URB2: variants seen among roughly 807,000 people sequenced by gnomAD.
The protein encoded by URB2 is unhealthy ribosome biogenesis protein 2 homolog.
URB2 carries 86 observed loss-of-function variants against 120.9 expected under a neutral mutation model. The ratio of observed to expected loss-of-function variants is 0.71; its 90% CI spans 0.60 to 0.85. The LOEUF is 0.85. Among genes scored for constraint, URB2 ranks in the 40% least tolerant of loss-of-function variants. URB2 has a pLI of 0.00. For missense variants in URB2, 1,765 were observed against 1,836.5 expected, an observed-to-expected ratio of 0.96 and a Z score of 0.71; for synonymous variants, 755 against 758.4, an observed-to-expected ratio of 1.00 and a Z score of 0.07.
In URB2 at chr1:229,643,559, C is replaced by G; in HGVS notation, c.3661C>G (p.Gln1221Glu). The change falls in exon 5 of 10, where the codon CAG becomes GAG. Residue 1221 changes from glutamine (Q) to glutamate (E), a missense_variant. Coordinates refer to ENST00000258243, the MANE Select transcript of URB2 (RefSeq NM_014777.4). ...ADPEIPVQVT[Q>E]DIEPHLGALF... ...TCCTGAAATTCCTGTTCAGGTCACT[C>G]AGGATATTGAGCCTCATTTGGGAGC... 2.5e-6 allele frequency: 4 copies of G among 1,614,144 alleles called. No homozygotes were observed. The highest frequency in any genetic ancestry group is 3.4e-6 in the Non-Finnish European group (4 of 1,180,030).
chr1:229,637,898 A>C lies in URB2; in HGVS notation c.3285A>C (p.Thr1095=). 1 of 1,604,148 alleles carries C rather than the reference A, an allele frequency of 6.2e-7. No homozygotes were observed. Among genetic ancestry groups the C allele is most frequent in the Non-Finnish European group, 8.5e-7 (1 of 1,175,918 alleles). The change falls in exon 4 of 10, where the codon ACA becomes ACC. Residue 1095 remains threonine, a synonymous_variant. Transcript: ENST00000258243. ...TGCTGCAGCAGGTTGTGCTGCAGAC[A>C]GGAGCTGTGCTGCAGCTCTGCTCAG... ...SELLQQVVLQ[T]GAVLQLCSVP...
At chr1:229,633,476 A>G (rs888626065) in intron 3 of URB2, among the ~76,000 whole-genome samples, 1 of 152,246 alleles carries the variant, frequency 6.6e-6, no homozygotes, top group Non-Finnish European at 1.5e-5. Context: ...TTGAATATAA[A>G]TGCAGGAAAA....
intron 9 of URB2, among the ~76,000 whole-genome samples, chr1:229,656,059 A>T (rs1666400556): frequency 6.6e-6 from 1 of 152,210 alleles, no homozygotes; most frequent in Non-Finnish European, 1.5e-5. Context: ...TGGAGCCCAC[A>T]CCTGGTAAGT....
chr1:229,644,309 A>G (rs573240525), intron 5 of URB2, among the ~76,000 whole-genome samples: 1 of 152,364 alleles, frequency 6.6e-6, no homozygotes, highest in African/African-American at 2.4e-5. Context: ...TCTCTGGTCT[A>G]GGCATATTCT....
chr1:229,632,210 C>CGA (rs1665685153), intron 2 of URB2, 59 bp from the exon 3 acceptor site: 1 of 1,438,520 alleles, frequency 7.0e-7, no homozygotes, highest in Admixed American at 2.8e-5. Context: ...CCTATAATGT[C>CGA]TAACATCTTT....
At chr1:229,638,373 C>T (rs866555044) in intron 4 of URB2, 126 bp downstream of exon 4, 33 of 1,116,074 alleles carry the variant, frequency 3.0e-5, no homozygotes, top group Middle Eastern at 4.2e-4. Flanking sequence ...CGGCTGGGTG[C>T]GGTGGCTTAC....
rs1270259976 is a variant in URB2 at position 229,636,495 on chromosome 1, C to T, written c.1882C>T (p.His628Tyr). The change falls in exon 4 of 10, where the codon CAC (histidine) becomes TAC (tyrosine). Residue 628 changes from histidine to tyrosine, a missense_variant. His to Tyr is a moderately conservative substitution (Grantham distance 83). Transcript: ENST00000258243. ...AMFSLNCSQY[H>Y]SMSGPLIGVA... ...GTTCAGTTTGAACTGTAGCCAGTATCACTCTATGTCTGGGCCCCTTATAGG... is the reference window on the plus strand; with the variant it reads ...GTTCAGTTTGAACTGTAGCCAGTATTACTCTATGTCTGGGCCCCTTATAGG... 1.2e-5 allele frequency: 19 copies of T among 1,614,110 alleles called. No homozygotes were observed. The highest frequency in any genetic ancestry group is 1.5e-5 in the Non-Finnish European group (18 of 1,180,040).
At chr1:229,648,831 G>A (rs1421789782) in intron 7 of URB2, among the ~76,000 whole-genome samples, 1 of 152,216 alleles carries the variant, frequency 6.6e-6, no homozygotes, top group Non-Finnish European at 1.5e-5. Flanking sequence ...CTTGTTCTGA[G>A]AAATGTGTCG....
At chr1:229,646,226 A>G (rs1343717330) in intron 6 of URB2, among the ~76,000 whole-genome samples, 3 of 152,212 alleles carry the variant, frequency 2.0e-5, no homozygotes, top group Non-Finnish European at 4.4e-5. Context: ...GACAGGCAGT[A>G]AGAAGAGGGA....
At chr1:229,632,811 GTTTTT>G (rs5781547) in intron 3 of URB2, among the ~76,000 whole-genome samples, 1 of 101,846 alleles carries the variant, frequency 9.8e-6, no homozygotes. Context: ...TTCCTCAAAG[GTTTTT>G]TTTTTTTTTT....
In URB2 at chr1:229,637,913, G is replaced by A. The variant is rs768252570; in HGVS notation, c.3300G>A (p.Gln1100=). 1 of 1,610,808 alleles carries A rather than the reference G, an allele frequency of 6.2e-7. No individual in the cohort carries two copies. ...TGCTGCAGACAGGAGCTGTGCTGCA[G>A]CTCTGCTCAGTGCCGGGGGCCCGGG... ...QVVLQTGAVL[Q]LCSVPGARGW... Residue 1100 remains glutamine, a synonymous_variant, in exon 4 of 10, where the codon CAG becomes CAA. Transcript: ENST00000258243.
chr1:229,631,161 C>T (rs1233037825), intron 2 of URB2, among the ~76,000 whole-genome samples: 1 of 152,130 alleles, frequency 6.6e-6, no homozygotes, highest in Non-Finnish European at 1.5e-5. Flanking sequence ...TTTCCCTAAA[C>T]TTCATGAACC....
chr1:229,629,562 A>T lies in URB2; in HGVS notation c.126+1803A>T, dbSNP rs114605212. ...TTAAGAATGCAATAGCATTATGCCT[A>T]AAAAAAGTACATATCTTAATTTTAA... On this transcript the variant is annotated intron_variant, in intron 2 of 9. Transcript: ENST00000258243. 5.5e-3 allele frequency among the ~76,000 whole-genome samples: 831 copies of T among 152,292 alleles called. 10 individuals carry two copies. The highest frequency in any genetic ancestry group is 0.019 in the African/African-American group (803 of 41,560).
At chr1:229,656,874 A>G (rs1300053712) in intron 9 of URB2, among the ~76,000 whole-genome samples, 1 of 152,240 alleles carries the variant, frequency 6.6e-6, no homozygotes, top group Non-Finnish European at 1.5e-5. Context: ...CCCTCTACAG[A>G]TGCTCCTGGA....
At chr1:229,633,154 T>A (rs763742571) in intron 3 of URB2, among the ~76,000 whole-genome samples, 2 of 152,158 alleles carry the variant, frequency 1.3e-5, no homozygotes, top group Non-Finnish European at 2.9e-5. Context: ...CTCACCCTCA[T>A]GAGTGTGCGG....
At chr1:229,640,315 A>G (rs1665973034) in intron 4 of URB2, among the ~76,000 whole-genome samples, 1 of 152,346 alleles carries the variant, frequency 6.6e-6, no homozygotes, top group Non-Finnish European at 1.5e-5. Context: ...ACAGTGAAGG[A>G]TGATTAAGAT....
chr1:229,629,965 T>G (rs1247712030), intron 2 of URB2, among the ~76,000 whole-genome samples: 2 of 152,228 alleles, frequency 1.3e-5, no homozygotes, highest in Admixed American at 6.5e-5. Context: ...AAGAAACAAC[T>G]TATCCATTCA....
rs771497983 is a variant in URB2 at position 229,654,216 on chromosome 1, C to T, written c.4238-33C>T. 8 of 1,607,086 alleles carry T rather than the reference C, an allele frequency of 5.0e-6. No homozygotes were observed. In the African/African-American group the frequency reaches 8.0e-5, roughly 16 times the overall value. ...AGAGTTAAAATGTGCTGTTTTTGAA[C>T]TAATTGGTTGGGAAACACTTTGTTG... On this transcript the variant is annotated intron_variant, in intron 8 of 9. Transcript: ENST00000258243.
intron 3 of URB2, among the ~76,000 whole-genome samples, chr1:229,633,619 T>C (rs1480040436): frequency 6.6e-6 from 1 of 152,210 alleles, no homozygotes; most frequent in Non-Finnish European, 1.5e-5. Context: ...ATAGAAATTA[T>C]AATACCTATC....
Sources: allele counts gnomAD v4.1 joint callset (sites outside exome capture counted in the v4.1 genomes callset), GRCh38; gene constraint gnomAD v4.1.1; transcripts MANE v1.5; gene names NCBI Gene and HGNC (gene_info 2026-07-23, HGNC 2026-07-21).